COG6: variants seen among roughly 807,000 people sequenced by gnomAD.
COG6 encodes the protein conserved oligomeric Golgi complex subunit 6.
Under a neutral mutation model 88.8 loss-of-function variants are expected in COG6, and 74 were observed. The observed-to-expected ratio is 0.83, with a 90% CI of 0.69 to 1.01. COG6 has a LOEUF of 1.01. COG6 is among the 50% of genes least tolerant of loss of function. COG6 has a pLI of 0.00. For missense variants in COG6, 800 were observed against 797.9 expected (o/e 1.00, Z -0.03); for synonymous variants, 286 against 278.7 (o/e 1.03, Z -0.26).
rs138314667 is a variant in COG6 at position 39,659,225 on chromosome 13, A to G, written c.154-139A>G. ...TTCTGGAAATAAGCATGCTTCAGTA[A>G]TTTGAAGGTCATTCAATATTTTTCG... is the stretch of plus-strand genomic sequence containing the variant. On this transcript the variant is annotated intron_variant, in intron 1 of 18. Coordinates refer to ENST00000455146, the MANE Select transcript of COG6 (RefSeq NM_020751.3). 419 of 765,392 alleles carry G rather than the reference A, an allele frequency of 5.5e-4. 1 individual carries two copies. The African/African-American group carries it at 6.3e-3, about 12-fold the overall frequency. The allele number at this position is 765,392 out of a possible 1,614,324, so 47.4% of individuals were successfully genotyped here. A position where few individuals can be genotyped will look rare whatever the true frequency, so the allele number is the denominator to read the frequency against.
At chr13:39,666,026 G>T (rs1875237789) in intron 4 of COG6, among the ~76,000 whole-genome samples, 2 of 152,264 alleles carry the variant, frequency 1.3e-5, no homozygotes, top group Non-Finnish European at 1.5e-5. Context: ...GTAGAGTCGT[G>T]TGGTTACAAC....
chr13:39,679,834 T>A, intron 6 of COG6, 141 bp from the exon 7 acceptor site: 1 of 680,092 alleles, frequency 1.5e-6, no homozygotes, highest in Non-Finnish European at 2.6e-6. Context: ...TTTATTTAAT[T>A]GTAGAAAATT....
At chr13:39,765,131 T>C (rs1015825327) in intron 18 of COG6, among the ~76,000 whole-genome samples, 4 of 142,132 alleles carry the variant, frequency 2.8e-5, no homozygotes, top group Non-Finnish European at 6.1e-5. Context: ...AGCAAGGAAA[T>C]AAGGCAATCA....
chr13:39,659,568 C>T, intron 2 of COG6, 61 bp downstream of exon 2: 1 of 1,445,568 alleles, frequency 6.9e-7, no homozygotes, highest in Non-Finnish European at 9.7e-7. Flanking sequence ...TGGCTCTGTG[C>T]TAAGTATTTT....
intron 7 of COG6, among the ~76,000 whole-genome samples, 163 bp downstream of exon 7, chr13:39,680,208 G>A (rs1275313696): frequency 2.0e-5 from 3 of 151,956 alleles, no homozygotes; most frequent in African/African-American, 7.3e-5. Context: ...CTTGGTCTTT[G>A]ATGCATTTTG....
intron 18 of COG6, among the ~76,000 whole-genome samples, chr13:39,744,076 A>G (rs1332649297): frequency 1.3e-5 from 2 of 152,196 alleles, no homozygotes; most frequent in Non-Finnish European, 2.9e-5. Context: ...AAAACTCTCA[A>G]TAAACTAGGT....
At chr13:39,746,151 G>A (rs758870481) in intron 18 of COG6, among the ~76,000 whole-genome samples, 15 of 151,736 alleles carry the variant, frequency 9.9e-5, no homozygotes, top group Non-Finnish European at 1.8e-4. Context: ...TAAATGGGGT[G>A]CAGCAAACCA....
At chr13:39,783,412 ATTTG>A (rs756074741) in intron 18 of COG6, among the ~76,000 whole-genome samples, 9 of 152,138 alleles carry the variant, frequency 5.9e-5, no homozygotes, top group Non-Finnish European at 1.2e-4. Flanking sequence ...GATGACTAAT[ATTTG>A]TTTGTTCATT....
intron 8 of COG6, among the ~76,000 whole-genome samples, chr13:39,686,465 T>C (rs1436851658): frequency 6.6e-6 from 1 of 152,176 alleles, no homozygotes; most frequent in African/African-American, 2.4e-5. Context: ...TCCCTACCAG[T>C]TCCTTCACCT....
rs1320214717 is a variant in COG6, at chr13:39,720,755, C to T, written c.1584+928C>T. ...TTATATTTGTAATTCTAAACACTTA[C>T]GTGTATTGCTACTTATAGATTTTTT... On this transcript the variant is annotated intron_variant, in intron 15 of 18. Transcript: ENST00000455146. 6.6e-5 allele frequency among the ~76,000 whole-genome samples: 10 copies of T among 152,036 alleles called. No individual in the cohort carries two copies. In the South Asian group the frequency reaches 1.5e-3, roughly 22 times the overall value.
chr13:39,750,826 GTGTA>G, intron 18 of COG6, 116 bp from the exon 19 acceptor site: 1 of 731,832 alleles, frequency 1.4e-6, no homozygotes, highest in Non-Finnish European at 2.4e-6. Flanking sequence ...TTATTAAATA[GTGTA>G]TGTGTGATGA....
At chr13:39,693,316 T>G (rs1183273930) in intron 11 of COG6, among the ~76,000 whole-genome samples, 1 of 151,924 alleles carries the variant, frequency 6.6e-6, no homozygotes, top group Non-Finnish European at 1.5e-5. Context: ...TCTTTCTTTC[T>G]CTCCCCTCTT....
At chr13:39,685,348 AGGTTCACGT>A (rs1165396938) in intron 8 of COG6, among the ~76,000 whole-genome samples, 14 of 152,162 alleles carry the variant, frequency 9.2e-5, no homozygotes, top group African/African-American at 3.1e-4. Context: ...AAGATATTGA[AGGTTCACGT>A]GGCTTATGCT....
intron 18 of COG6, among the ~76,000 whole-genome samples, chr13:39,748,482 G>T (rs1490450493): frequency 6.6e-6 from 1 of 152,014 alleles, no homozygotes; most frequent in Non-Finnish European, 1.5e-5. Context: ...AGGCATGGTG[G>T]TGCATGCCTG....
At chr13:39,679,264 A>G in intron 5 of COG6, 1 of 426,024 alleles carries the variant, frequency 2.3e-6, no homozygotes, top group East Asian at 4.6e-5. Flanking sequence ...TCTTGAGGAC[A>G]GGGATTTTTG....
chr13:39,684,304 A>T (rs1876506246), intron 8 of COG6, among the ~76,000 whole-genome samples: 1 of 118,356 alleles, frequency 8.4e-6, no homozygotes, highest in African/African-American at 3.4e-5. Flanking sequence ...GCTGGAGTGC[A>T]GTGACGCAAT....
intron 18 of COG6, among the ~76,000 whole-genome samples, chr13:39,737,721 G>T (rs1879837149): frequency 6.6e-6 from 1 of 151,964 alleles, no homozygotes; most frequent in Admixed American, 6.6e-5. Flanking sequence ...CAGCACAGAA[G>T]CTTGCCCAGG....
intron 8 of COG6, among the ~76,000 whole-genome samples, chr13:39,683,235 T>C (rs1876422401): frequency 6.6e-6 from 1 of 152,210 alleles, no homozygotes; most frequent in Admixed American, 6.5e-5. Flanking sequence ...CGCATTTTAA[T>C]TGAATACACT....
chr13:39,784,629 A>G (rs186037477), intron 18 of COG6, among the ~76,000 whole-genome samples: 76 of 152,342 alleles, frequency 5.0e-4, no homozygotes, highest in Non-Finnish European at 7.8e-4. Context: ...CCAGATGTCT[A>G]CAAGGAGATT....
Sources: allele counts gnomAD v4.1 joint callset (sites outside exome capture counted in the v4.1 genomes callset), GRCh38; gene constraint gnomAD v4.1.1; transcripts MANE v1.5; gene names NCBI Gene and HGNC (gene_info 2026-07-23, HGNC 2026-07-21).